The following NCAM1 variants were observed in gnomAD, a reference collection of about 807,000 sequenced individuals.
The protein encoded by NCAM1 is antigen recognized by monoclonal antibody 5.1H11.
Under a neutral mutation model 109.8 loss-of-function variants are expected in NCAM1, and 14 were observed. That is an observed-to-expected ratio of 0.13 (90% CI 0.08 to 0.20). NCAM1 has a LOEUF of 0.20. Among genes scored for constraint, NCAM1 ranks in the 10% least tolerant of loss-of-function variants. NCAM1 has a pLI of 1.00. For missense variants in NCAM1, 774 were observed against 1,109.9 expected (o/e 0.70, Z 4.30); for synonymous variants, 418 against 442.9 (o/e 0.94, Z 0.70).
At chr11:112,992,504 T>G (rs1014708184) in intron 1 of NCAM1, among the ~76,000 whole-genome samples, 1 of 141,270 alleles carries the variant, frequency 7.1e-6, no homozygotes, top group Non-Finnish European at 1.6e-5. Context: ...TTTTTTTTTC[T>G]TTTTTTTTTT....
intron 15 of NCAM1, among the ~76,000 whole-genome samples, chr11:113,251,361 A>T (rs1240864347): frequency 6.6e-6 from 1 of 152,236 alleles, no homozygotes; most frequent in Non-Finnish European, 1.5e-5. Flanking sequence ...TTAAGGGTAC[A>T]GTAGCAGAGT....
intron 1 of NCAM1, among the ~76,000 whole-genome samples, chr11:113,178,551 G>A (rs1555107452): frequency 6.6e-6 from 1 of 152,188 alleles, no homozygotes; most frequent in Non-Finnish European, 1.5e-5. Context: ...TCATCCGGGA[G>A]GCCAATTAGC....
intron 1 of NCAM1, among the ~76,000 whole-genome samples, chr11:113,159,507 C>T (rs1942526977): frequency 6.6e-6 from 1 of 152,162 alleles, no homozygotes; most frequent in South Asian, 2.1e-4. Context: ...CTGGGTGAAA[C>T]TTACTAGATA....
chr11:112,961,445 C>G lies in NCAM1; in HGVS notation c.-168C>G. On this transcript the variant is annotated 5_prime_UTR_variant, in exon 1 of 20. Coordinates refer to ENST00000316851, the MANE Select transcript of NCAM1 (RefSeq NM_181351.5). ...ACTCATTCTCCGATCAGCGCGTGAA[C>G]GCAGCTCGGCTGCCGCTGGCAGGAA... The G allele has an allele frequency of 3.9e-6, 3 of 768,004 alleles. No homozygotes were observed. Among genetic ancestry groups the G allele is most frequent in the East Asian group, 2.4e-5 (1 of 40,834 alleles). 47.6% of individuals were successfully genotyped at this position (768,004 alleles called of 1,614,324 possible).
chr11:113,113,769 A>T (rs78239456), intron 1 of NCAM1, among the ~76,000 whole-genome samples: 85,038 of 150,210 alleles, frequency 0.57, 24,172 homozygotes, highest in African/African-American at 0.61. Context: ...GGTTCTTTTA[A>T]AAAAAAAAAA....
intron 1 of NCAM1, among the ~76,000 whole-genome samples, chr11:113,038,432 C>T (rs529802280): frequency 6.6e-6 from 1 of 152,314 alleles, no homozygotes; most frequent in South Asian, 2.1e-4. Flanking sequence ...CACTTTGCTT[C>T]TTTAGTCCGG....
At chr11:113,234,055 G>C (rs1945089701) in intron 13 of NCAM1, among the ~76,000 whole-genome samples, 1 of 151,966 alleles carries the variant, frequency 6.6e-6, no homozygotes, top group South Asian at 2.1e-4. Flanking sequence ...ATAGTCCAGT[G>C]CAGTTTCACT....
chr11:113,077,201 A>G (rs1938565654), intron 1 of NCAM1, among the ~76,000 whole-genome samples: 1 of 152,226 alleles, frequency 6.6e-6, no homozygotes, highest in African/African-American at 2.4e-5. Context: ...GATTAGTGCT[A>G]TTATAAAGGT....
intron 14 of NCAM1, chr11:113,242,863 G>A (rs112424524): frequency 1.2e-6 from 2 of 1,613,936 alleles, no homozygotes; most frequent in African/African-American, 1.3e-5. Flanking sequence ...ACAGGGCTGA[G>A]TTGCTCTCGG....
In NCAM1 at chr11:112,962,647, G is replaced by A. The variant is rs1950601641; in HGVS notation, c.52+983G>A. On this transcript the variant is annotated intron_variant, in intron 1 of 19. Transcript: ENST00000316851. The surrounding 1 kb of genome is among the most constrained non-coding windows in gnomAD (Gnocchi z 5.6). Reference sequence around the variant, plus strand: ...TGCCGCGGGTGGCGGGGGTTGCGCCGCCGCCCAGAGAACCTCGGCAGTGTG... The same window carrying A: ...TGCCGCGGGTGGCGGGGGTTGCGCCACCGCCCAGAGAACCTCGGCAGTGTG... Among the ~76,000 whole-genome samples the A allele has an allele frequency of 6.6e-6, 1 of 151,518 alleles. No homozygotes were observed. The highest frequency in any genetic ancestry group is 1.5e-5 in the Non-Finnish European group (1 of 67,838).
chr11:113,204,839 G>A (rs1207341999), intron 3 of NCAM1, among the ~76,000 whole-genome samples: 2 of 152,128 alleles, frequency 1.3e-5, no homozygotes, highest in African/African-American at 4.8e-5. Context: ...TCCCCTGCTG[G>A]TAATGGAGCC....
chr11:113,125,701 G>C (rs963545133), intron 1 of NCAM1, among the ~76,000 whole-genome samples: 1 of 152,198 alleles, frequency 6.6e-6, no homozygotes, highest in Non-Finnish European at 1.5e-5. Context: ...CGTGAGGGCA[G>C]ACTTTCAAAG....
chr11:113,173,831 C>G (rs1943068174), intron 1 of NCAM1, among the ~76,000 whole-genome samples: 1 of 151,884 alleles, frequency 6.6e-6, no homozygotes, highest in Non-Finnish European at 1.5e-5. Flanking sequence ...GTCAGCACGG[C>G]AGGGCTGGTG....
At chr11:113,169,811 A>G (rs1317844193) in intron 1 of NCAM1, among the ~76,000 whole-genome samples, 1 of 151,866 alleles carries the variant, frequency 6.6e-6, no homozygotes, top group Non-Finnish European at 1.5e-5. Context: ...ACTTTTAGTA[A>G]AGACGGGGTT....
At chr11:113,182,512 G>T (rs574610140) in intron 1 of NCAM1, among the ~76,000 whole-genome samples, 1 of 152,266 alleles carries the variant, frequency 6.6e-6, no homozygotes, top group South Asian at 2.1e-4. Context: ...TGCCTCCCAC[G>T]TACTAGGCAC....
At chr11:113,071,139 G>A (rs2135564483) in intron 1 of NCAM1, among the ~76,000 whole-genome samples, 1 of 152,242 alleles carries the variant, frequency 6.6e-6, no homozygotes, top group African/African-American at 2.4e-5. Flanking sequence ...AGGACAGGAA[G>A]AGGAATCCCA....
intron 1 of NCAM1, among the ~76,000 whole-genome samples, chr11:113,079,729 A>G (rs942906169): frequency 8.5e-5 from 13 of 152,202 alleles, no homozygotes; most frequent in Admixed American, 6.5e-5. Context: ...ATACCCTAGC[A>G]CCTTCAACTC....
intron 1 of NCAM1, among the ~76,000 whole-genome samples, chr11:113,187,604 T>A (rs1479304704): frequency 2.7e-5 from 4 of 150,802 alleles, no homozygotes. Context: ...GGCATTAAGA[T>A]CTGCATAAGC....
In NCAM1 at chr11:113,233,278, G is replaced by A. The variant is rs1555117661; in HGVS notation, c.1654G>A (p.Glu552Lys). The A allele has an allele frequency of 6.2e-7, 1 of 1,613,638 alleles. No homozygotes were observed. The highest frequency in any genetic ancestry group is 1.7e-5 in the Admixed American group (1 of 59,992). ...KYKAEWRAVGEEVWHSKWYDA... is the reference protein window; with the variant it reads ...KYKAEWRAVGKEVWHSKWYDA... ...CAAAGCTGAGTGGAGAGCAGTTGGT[G>A]AAGAAGTATGGCATTCCAAGTGGTA... Residue 552 changes from glutamate (E) to lysine (K), a missense_variant, in exon 13 of 20, where the codon GAA (glutamate) becomes AAA (lysine). Coordinates refer to ENST00000316851, the MANE Select transcript of NCAM1 (RefSeq NM_181351.5). This position sits in a 1 kb window ranked among gnomAD's most constrained non-coding sequence, Gnocchi z 4.5.
Sources: allele counts gnomAD v4.1 joint callset (sites outside exome capture counted in the v4.1 genomes callset), GRCh38; gene constraint gnomAD v4.1.1; non-coding constraint Gnocchi (gnomAD v3.1); transcripts MANE v1.5; gene names NCBI Gene and HGNC (gene_info 2026-07-23, HGNC 2026-07-21).